The following FRYL variants were observed in gnomAD, a reference collection of about 807,000 sequenced individuals.
FRYL encodes protein furry homolog-like.
Under a neutral mutation model 351.2 loss-of-function variants are expected in FRYL, and 150 were observed. The ratio of observed to expected loss-of-function variants is 0.43; its 90% CI spans 0.37 to 0.49. The LOEUF is 0.49. FRYL is among the 20% of genes least tolerant of loss of function. The pLI is 0.00. For synonymous variants in FRYL, 1,153 were observed against 1,257.1 expected, an observed-to-expected ratio of 0.92 and a Z score of 1.75; for missense variants, 3,036 against 3,619.3, an observed-to-expected ratio of 0.84 and a Z score of 4.13.
chr4:48,531,247 C>T lies in FRYL; in HGVS notation c.6812G>A (p.Gly2271Asp). 6.2e-7 allele frequency: 1 copy of T among 1,609,206 alleles called. No individual in the cohort carries two copies. Among genetic ancestry groups the T allele is most frequent in the Non-Finnish European group, 8.5e-7 (1 of 1,175,582 alleles). The change falls in exon 50 of 64, where the codon GGT becomes GAT. Residue 2271 changes from glycine (G) to aspartate (D), a missense_variant. Gly to Asp is a moderately conservative substitution (Grantham distance 94). Coordinates refer to ENST00000358350, the MANE Select transcript of FRYL (RefSeq NM_015030.2). Reference sequence around the variant, plus strand: ...TTTAGTGAAGGATATTTCAGGAGAACCTGTATCTCCTCCATAGGTCTTGGG... The same window carrying T: ...TTTAGTGAAGGATATTTCAGGAGAATCTGTATCTCCTCCATAGGTCTTGGG... ...DIPKTYGGDT[G>D]SPEISFTKIF... is the part of the protein sequence containing the mutation.
rs1722708062 is a variant in FRYL, at chr4:48,512,589, T to C, written c.8037A>G (p.Ala2679=). The change falls in exon 57 of 64, where the codon GCA becomes GCG. Residue 2679 remains alanine, a synonymous_variant. Transcript: ENST00000358350. ...SAIIAAFQPV[A]YDDEEEAWRC... ...GCCAGGCTTCCTCTTCATCATCATATGCCACGGGCTGAAAGGCGGCTATGA... is the reference window on the plus strand; with the variant it reads ...GCCAGGCTTCCTCTTCATCATCATACGCCACGGGCTGAAAGGCGGCTATGA... 1 of 1,613,882 alleles carries C rather than the reference T, an allele frequency of 6.2e-7. No homozygotes were observed. Among genetic ancestry groups the C allele is most frequent in the Non-Finnish European group, 8.5e-7 (1 of 1,179,910 alleles).
At chr4:48,686,158 A>G (rs887328555) in intron 2 of FRYL, among the ~76,000 whole-genome samples, 58 of 152,302 alleles carry the variant, frequency 3.8e-4, no homozygotes, top group African/African-American at 1.3e-3. Context: ...AATTAATTTA[A>G]TCTCCAACCC....
At chr4:48,746,089 G>A (rs559594166) in intron 1 of FRYL, among the ~76,000 whole-genome samples, 5 of 152,134 alleles carry the variant, frequency 3.3e-5, no homozygotes, top group Non-Finnish European at 5.9e-5. Context: ...AAATCACTGA[G>A]GAATGTTTCA....
In FRYL at chr4:48,693,193, C is replaced by G. The variant is rs1765829807; in HGVS notation, c.-203-8398G>C. On this transcript the variant is annotated intron_variant, in intron 2 of 63. Coordinates refer to ENST00000358350, the MANE Select transcript of FRYL (RefSeq NM_015030.2). ...TGTCGGTATTTCTTTTTTCCACTTA[C>G]TCCATTTAAGCTATCTCATTTTCCT... is the stretch of plus-strand genomic sequence containing the variant. Among the ~76,000 whole-genome samples the G allele has an allele frequency of 2.0e-5, 3 of 152,158 alleles. No homozygotes were observed. The South Asian group carries it at 6.2e-4, about 31-fold the overall frequency.
intron 55 of FRYL, among the ~76,000 whole-genome samples, chr4:48,517,690 C>A (rs936395297): frequency 1.3e-5 from 2 of 152,084 alleles, no homozygotes; most frequent in African/African-American, 4.8e-5. Flanking sequence ...CAGAGTGTAA[C>A]GTGTGTATAT....
At chr4:48,725,378 C>T (rs1470375234) in intron 1 of FRYL, among the ~76,000 whole-genome samples, 5 of 152,292 alleles carry the variant, frequency 3.3e-5, no homozygotes, top group African/African-American at 7.2e-5. Flanking sequence ...AATACAATCT[C>T]GTGTCAAGCT....
At chr4:48,773,828 G>A (rs1199123853) in intron 1 of FRYL, among the ~76,000 whole-genome samples, 1 of 152,128 alleles carries the variant, frequency 6.6e-6, no homozygotes, top group Non-Finnish European at 1.5e-5. Context: ...GAGGTGAGAG[G>A]ATCACTTGAG....
chr4:48,536,088 A>T (rs1348382460), intron 47 of FRYL, among the ~76,000 whole-genome samples: 3 of 152,190 alleles, frequency 2.0e-5, no homozygotes, highest in Non-Finnish European at 4.4e-5. Context: ...AAGATCTGTA[A>T]ACTGTCTCTG....
chr4:48,517,085 T>C lies in FRYL; in HGVS notation c.7690-1810A>G, dbSNP rs1214677479. 3.3e-5 allele frequency among the ~76,000 whole-genome samples: 5 copies of C among 152,288 alleles called. No individual in the cohort carries two copies. In the East Asian group the frequency reaches 7.7e-4, roughly 23 times the overall value. ...CTTTACTTCAGCATTAAATATAATA[T>C]AGTAGGATTATTTCTTAATTCTTCC... On this transcript the variant is annotated intron_variant, in intron 55 of 63. Coordinates refer to ENST00000358350, the MANE Select transcript of FRYL (RefSeq NM_015030.2).
rs185034900 is a variant in FRYL, at chr4:48,609,575, T to C, written c.491+169A>G. Among the ~76,000 whole-genome samples the C allele has an allele frequency of 5.6e-4, 85 of 152,086 alleles. No individual in the cohort carries two copies. In the South Asian group the frequency reaches 0.013, roughly 23 times the overall value. On this transcript the variant is annotated intron_variant, in intron 8 of 63. Transcript: ENST00000358350. ...AGGTCAAGGCTGCAGTGAGCCATGA[T>C]TGCATCTCTGCACTCCAGGCTGGGT...
intron 1 of FRYL, among the ~76,000 whole-genome samples, chr4:48,778,617 T>C (rs1183235939): frequency 6.6e-6 from 1 of 152,280 alleles, no homozygotes; most frequent in Non-Finnish European, 1.5e-5. Context: ...AGGAATGTGC[T>C]ATCTCTGATT....
rs1321963035 is a variant in FRYL, at chr4:48,552,360, C to A, written c.4436-782G>T. Among the ~76,000 whole-genome samples, 12 of 151,038 alleles carry A rather than the reference C, an allele frequency of 7.9e-5. No homozygotes were observed. In the South Asian group the frequency reaches 1.0e-3, roughly 13 times the overall value. Reference sequence around the variant, plus strand: ...ATCTGATAAATCTAGGAGAAAAGACCTACAGACGTTGGCATCACTGAAATC... The same window carrying A: ...ATCTGATAAATCTAGGAGAAAAGACATACAGACGTTGGCATCACTGAAATC... On this transcript the variant is annotated intron_variant, in intron 36 of 63. Coordinates refer to ENST00000358350, the MANE Select transcript of FRYL (RefSeq NM_015030.2).
At chr4:48,583,567 G>A (rs1349108706) in intron 19 of FRYL, among the ~76,000 whole-genome samples, 1 of 151,406 alleles carries the variant, frequency 6.6e-6, no homozygotes, top group African/African-American at 2.4e-5. Flanking sequence ...CAGAATGAGA[G>A]TAAATTTAGG....
chr4:48,740,289 A>C (rs1390920918), intron 1 of FRYL, among the ~76,000 whole-genome samples: 1 of 97,884 alleles, frequency 1.0e-5, no homozygotes, highest in Non-Finnish European at 1.9e-5. Context: ...AAACAATCTG[A>C]TTTTTTTTTT....
intron 56 of FRYL, among the ~76,000 whole-genome samples, chr4:48,514,079 TG>T (rs1577883048): frequency 6.6e-6 from 1 of 152,306 alleles, no homozygotes; most frequent in Non-Finnish European, 1.5e-5. Flanking sequence ...GATATGTTGA[TG>T]GTAAAAAAAA....
chr4:48,569,547 C>T (rs555805041), intron 27 of FRYL, among the ~76,000 whole-genome samples: 1 of 152,212 alleles, frequency 6.6e-6, no homozygotes, highest in Admixed American at 6.5e-5. Flanking sequence ...ATCCGCCCTC[C>T]TTGGCCTCCC....
At chr4:48,551,635 A>G (rs750018858) in intron 36 of FRYL, 57 bp from the exon 37 acceptor site, 10 of 1,026,948 alleles carry the variant, frequency 9.7e-6, no homozygotes, top group Admixed American at 4.0e-5. Flanking sequence ...TAACCCAATA[A>G]GAACAAAAGA....
intron 1 of FRYL, among the ~76,000 whole-genome samples, chr4:48,730,352 C>A: frequency 6.6e-6 from 1 of 152,052 alleles, no homozygotes; most frequent in Non-Finnish European, 1.5e-5. Context: ...CCTAGCAAGG[C>A]AGGGCAATCA....
At chr4:48,588,035 G>C (rs757866672) in intron 18 of FRYL, among the ~76,000 whole-genome samples, 1 of 152,094 alleles carries the variant, frequency 6.6e-6, no homozygotes, top group Non-Finnish European at 1.5e-5. Flanking sequence ...CTTTGCTTTC[G>C]CTCTTTGGTC....
Sources: allele counts gnomAD v4.1 joint callset (sites outside exome capture counted in the v4.1 genomes callset), GRCh38; gene constraint gnomAD v4.1.1; transcripts MANE v1.5; gene names NCBI Gene and HGNC (gene_info 2026-07-23, HGNC 2026-07-21).